The following FAM78B variants were observed in gnomAD, a reference collection of about 807,000 sequenced individuals.
The protein encoded by FAM78B is protein FAM78B.
FAM78B carries 10 observed loss-of-function variants against 20.0 expected under a neutral mutation model. The observed-to-expected ratio is 0.50, with a 90% CI of 0.31 to 0.85. The LOEUF (loss-of-function observed/expected upper bound fraction) is 0.85, where lower values mean the gene tolerates loss of function less well. FAM78B is among the 40% of genes least tolerant of loss of function. The pLI is 0.05. For synonymous variants in FAM78B, 135 were observed against 132.8 expected (o/e 1.02, Z -0.12); for missense variants, 283 against 345.0 (o/e 0.82, Z 1.42).
At chr1:166,111,583 A>C (rs1654059566) in intron 1 of FAM78B, among the ~76,000 whole-genome samples, 2 of 152,238 alleles carry the variant, frequency 1.3e-5, no homozygotes, top group Non-Finnish European at 2.9e-5. Flanking sequence ...TTAACTGGGA[A>C]TATCACTTCC....
chr1:166,056,181 TA>T (rs1430224052), downstream of FAM78B, among the ~76,000 whole-genome samples: 1 of 152,162 alleles, frequency 6.6e-6, no homozygotes, highest in Non-Finnish European at 1.5e-5. Flanking sequence ...GCCCTTTTCT[TA>T]AATTTTTTTT....
Position 166,125,731 on chromosome 1 carries a change from C to T in FAM78B, c.263+40255G>A, listed in dbSNP as rs930073958. On this transcript the variant is annotated intron_variant, in intron 1 of 1. Transcript: ENST00000354422. ...TCCTCCTGTATACTCTCAATCATCT[C>T]TACATTACCTATAACACTGAATACG... 2.0e-5 allele frequency among the ~76,000 whole-genome samples: 3 copies of T among 152,042 alleles called. No individual in the cohort carries two copies. The East Asian group carries it at 5.8e-4, about 29-fold the overall frequency.
At chr1:166,073,805 C>T (rs888880887) in intron 1 of FAM78B, among the ~76,000 whole-genome samples, 1 of 152,176 alleles carries the variant, frequency 6.6e-6, no homozygotes, top group Non-Finnish European at 1.5e-5. Flanking sequence ...CAAGGGGTGG[C>T]CCACTGCTCA....
chr1:166,058,755 C>T (rs963963191), exon 3 of FAM78B: 4 of 152,438 alleles, frequency 2.6e-5, no homozygotes, highest in Admixed American at 6.6e-5. Context: ...TGCACATGTA[C>T]GTGTACACGC....
intron 1 of FAM78B, among the ~76,000 whole-genome samples, chr1:166,161,592 G>A (rs1334930349): frequency 6.6e-6 from 1 of 152,242 alleles, no homozygotes; most frequent in Admixed American, 6.5e-5. Context: ...ACAGGTGACA[G>A]TTAATGGTGA....
In FAM78B at chr1:166,074,547, A is replaced by C. The variant is rs57404602; in HGVS notation, c.264-3784T>G. 4.2e-3 allele frequency among the ~76,000 whole-genome samples: 646 copies of C among 152,344 alleles called. 25 individuals carry two copies. In the East Asian group the frequency reaches 0.11, roughly 26 times the overall value. On this transcript the variant is annotated intron_variant, in intron 1 of 1. Coordinates refer to ENST00000354422, the MANE Select transcript of FAM78B (RefSeq NM_001017961.5). The stretch of plus-strand genomic sequence containing the variant: ...CATAAAACTTAATAACTATTTATTA[A>C]AAGAGTAAATACTTTATTTGAATTA...
intron 1 of FAM78B, among the ~76,000 whole-genome samples, chr1:166,160,305 TCTC>T (rs1287785974): frequency 2.0e-5 from 3 of 152,176 alleles, no homozygotes; most frequent in Non-Finnish European, 4.4e-5. Flanking sequence ...CCTTTAGCCT[TCTC>T]CTCCACAAGT....
chr1:166,080,493 C>T (rs1379506665), intron 1 of FAM78B, among the ~76,000 whole-genome samples: 1 of 152,210 alleles, frequency 6.6e-6, no homozygotes, highest in East Asian at 1.9e-4. Context: ...GAATGCCAGG[C>T]ACTGTCCTGA....
At chr1:166,157,749 C>T (rs911389608) in intron 1 of FAM78B, among the ~76,000 whole-genome samples, 1 of 152,174 alleles carries the variant, frequency 6.6e-6, no homozygotes, top group East Asian at 1.9e-4. Context: ...ATATCCAGTA[C>T]CTGGGTAGTC....
At chr1:166,073,342 A>G (rs2101712534) in intron 1 of FAM78B, among the ~76,000 whole-genome samples, 1 of 152,310 alleles carries the variant, frequency 6.6e-6, no homozygotes, top group African/African-American at 2.4e-5. Flanking sequence ...AATTAGGACT[A>G]CATCATTAAG....
downstream of FAM78B, among the ~76,000 whole-genome samples, chr1:166,068,974 G>T (rs1356061243): frequency 6.6e-6 from 1 of 152,096 alleles, no homozygotes; most frequent in Non-Finnish European, 1.5e-5. Context: ...ATCTTTACTG[G>T]TTAAATCTTA....
intron 1 of FAM78B, among the ~76,000 whole-genome samples, chr1:166,126,213 C>T (rs548827643): frequency 6.6e-6 from 1 of 152,118 alleles, no homozygotes; most frequent in Non-Finnish European, 1.5e-5. Context: ...CCAATGGATA[C>T]AGAGGGCTGA....
chr1:166,123,467 C>A (rs919675), intron 1 of FAM78B, among the ~76,000 whole-genome samples: 8,498 of 152,288 alleles, frequency 0.056, 785 homozygotes, highest in African/African-American at 0.19. Flanking sequence ...TCGTCTCCAA[C>A]CTAATTTATC....
chr1:166,097,478 T>C (rs751965289), intron 1 of FAM78B, among the ~76,000 whole-genome samples: 4 of 152,188 alleles, frequency 2.6e-5, no homozygotes, highest in Admixed American at 6.5e-5. Flanking sequence ...TTCAAGCCCA[T>C]ATGGCTCTCC....
At chr1:166,077,425 C>T (rs1366519201) in intron 1 of FAM78B, among the ~76,000 whole-genome samples, 1 of 151,926 alleles carries the variant, frequency 6.6e-6, no homozygotes, top group Admixed American at 6.6e-5. Flanking sequence ...GTACTTAGCA[C>T]AGCTAAATAC....
chr1:166,088,131 T>C (rs369386670), intron 1 of FAM78B, among the ~76,000 whole-genome samples: 1 of 152,198 alleles, frequency 6.6e-6, no homozygotes. Flanking sequence ...CTTTTGTCCC[T>C]GGATGGATCA....
chr1:166,056,467 A>C (rs1187704001), downstream of FAM78B, among the ~76,000 whole-genome samples: 4 of 152,120 alleles, frequency 2.6e-5, no homozygotes, highest in Non-Finnish European at 5.9e-5. Context: ...GTCAACCTCC[A>C]TAGTTTTCAG....
At chr1:166,137,253 G>A (rs1203344896) in intron 1 of FAM78B, among the ~76,000 whole-genome samples, 2 of 152,208 alleles carry the variant, frequency 1.3e-5, no homozygotes, top group Admixed American at 1.3e-4. Context: ...GCCCTGTACT[G>A]AGGACTCTGG....
chr1:166,067,436 A>T (rs986710627), downstream of FAM78B, among the ~76,000 whole-genome samples: 1 of 152,072 alleles, frequency 6.6e-6, no homozygotes, highest in Admixed American at 6.5e-5. Context: ...AGACCACCCA[A>T]CTAAAACTTA....
Sources: allele counts gnomAD v4.1 joint callset (sites outside exome capture counted in the v4.1 genomes callset), GRCh38; gene constraint gnomAD v4.1.1; transcripts MANE v1.5; gene names NCBI Gene and HGNC (gene_info 2026-07-23, HGNC 2026-07-21).